BNIP1: variants seen among roughly 807,000 people sequenced by gnomAD.
The protein encoded by BNIP1 is vesicle transport protein SEC20.
BNIP1 carries 25 observed loss-of-function variants against 28.5 expected under a neutral mutation model. That is an observed-to-expected ratio of 0.88 (90% CI 0.64 to 1.23). The LOEUF is 1.23. Among genes scored for constraint, BNIP1 ranks in the 50% most tolerant of loss-of-function variants. The pLI, the probability that BNIP1 is intolerant of heterozygous loss-of-function variation, is 0.00. For synonymous variants in BNIP1, 118 were observed against 101.7 expected (o/e 1.16, Z -0.96); for missense variants, 276 against 277.0 (o/e 1.00, Z 0.02).
At chr5:173,154,956 A>G (rs1472292837) in intron 3 of BNIP1, among the ~76,000 whole-genome samples, 5 of 152,172 alleles carry the variant, frequency 3.3e-5, no homozygotes, top group Non-Finnish European at 7.3e-5. Flanking sequence ...CATATTTAAC[A>G]TTATACTGTA....
intron 2 of BNIP1, among the ~76,000 whole-genome samples, chr5:173,153,048 A>G (rs982076895): frequency 6.6e-6 from 1 of 151,876 alleles, no homozygotes; most frequent in Non-Finnish European, 1.5e-5. Context: ...ACTTCTGGGT[A>G]TGTCTGCTGA....
At position 173,154,386 on chromosome 5, in the gene BNIP1, T is replaced by C; in HGVS notation, c.242T>C (p.Val81Ala). ...ESEKQLLLQE[V>A]ENHKKQMLSN... is the part of the protein sequence containing the mutation. ...GAGAAACAACTTCTACTCCAGGAAG[T>C]GGAGAATCACAAAAAGCAGATGCTC... Residue 81 changes from valine to alanine, a missense_variant, in exon 3 of 6, where the codon GTG (valine) becomes GCG (alanine). Coordinates refer to ENST00000351486, the MANE Select transcript of BNIP1 (RefSeq NM_001205.3). 6.2e-7 allele frequency: 1 copy of C among 1,613,846 alleles called. No individual in the cohort carries two copies. The highest frequency in any genetic ancestry group is 8.5e-7 in the Non-Finnish European group (1 of 1,179,862).
At chr5:173,160,136 C>T in intron 5 of BNIP1, 85 bp downstream of exon 5, 14 of 1,192,380 alleles carry the variant, frequency 1.2e-5, no homozygotes, top group Non-Finnish European at 1.7e-5. Flanking sequence ...TGGGCTCCTC[C>T]ACCACAGCCC....
intron 3 of BNIP1, 73 bp from the exon 4 acceptor site, chr5:173,158,671 G>C (rs1008961958): frequency 1.3e-5 from 16 of 1,217,484 alleles, no homozygotes; most frequent in Non-Finnish European, 1.9e-5. Flanking sequence ...TTGTTGGGGG[G>C]AAGTGCTGTG....
intron 4 of BNIP1, 66 bp downstream of exon 4, chr5:173,158,911 C>A: frequency 8.1e-7 from 1 of 1,228,668 alleles, no homozygotes; most frequent in Non-Finnish European, 1.1e-6. Flanking sequence ...GTGTAGGAAA[C>A]CCCCTCTTGT....
At chr5:173,147,978 G>A (rs1195059997) in intron 2 of BNIP1, among the ~76,000 whole-genome samples, 4 of 142,862 alleles carry the variant, frequency 2.8e-5, no homozygotes, top group Admixed American at 7.2e-5. Context: ...CAGGAGAATC[G>A]CTTGAACCCA....
rs1018167976 is a variant in BNIP1 at position 173,144,573 on chromosome 5, C to T, written c.28C>T (p.Arg10Trp). ...GGCGGCTCCCCAAGACGTCCACGTC[C>T]GGATCTGTAACCAAGAGATTGTCAA... is the stretch of plus-strand genomic sequence containing the variant. MAAPQDVHV[R>W]ICNQEIVKFD... The change falls in exon 1 of 6, where the codon CGG (arginine) becomes TGG (tryptophan). Residue 10 changes from arginine to tryptophan, a missense_variant. Arg to Trp is a moderately radical substitution (Grantham distance 101, BLOSUM62 -3). Coordinates refer to ENST00000351486, the MANE Select transcript of BNIP1 (RefSeq NM_001205.3). 1 of 1,614,172 alleles carries T rather than the reference C, an allele frequency of 6.2e-7. No homozygotes were observed. Among genetic ancestry groups the T allele is most frequent in the Non-Finnish European group, 8.5e-7 (1 of 1,180,000 alleles).
intron 3 of BNIP1, among the ~76,000 whole-genome samples, chr5:173,157,534 A>C (rs765048942): frequency 8.0e-5 from 12 of 150,850 alleles, no homozygotes; most frequent in Non-Finnish European, 1.3e-4. Context: ...CCTGCCTCAG[A>C]CTCCCGAGTA....
intron 2 of BNIP1, chr5:173,151,465 C>A: frequency 8.2e-7 from 1 of 1,224,100 alleles, no homozygotes; most frequent in Non-Finnish European, 1.1e-6. Flanking sequence ...CAAGTGATTG[C>A]CTGCCTCAGC....
At chr5:173,148,074 AAAAAAAAAAATATATATATATATATAT>A (rs1759894012) in intron 2 of BNIP1, among the ~76,000 whole-genome samples, 1 of 48,160 alleles carries the variant, frequency 2.1e-5, no homozygotes, top group African/African-American at 9.7e-5. Flanking sequence ...AAAAAAAAAA[AAAAAAAAAAATATATATATATATATAT>A]ATATATATAT....
intron 2 of BNIP1, 122 bp from the exon 3 acceptor site, chr5:173,154,200 G>A: frequency 1.4e-6 from 1 of 726,178 alleles, no homozygotes; most frequent in Non-Finnish European, 2.3e-6. Flanking sequence ...GCATTCCTAG[G>A]TGTTCTGTTT....
intron 3 of BNIP1, among the ~76,000 whole-genome samples, chr5:173,154,972 T>C: frequency 6.6e-6 from 1 of 152,350 alleles, no homozygotes; most frequent in African/African-American, 2.4e-5. Flanking sequence ...CTGTATTGTA[T>C]ATTTTTAATC....
At chr5:173,158,937 T>A in intron 4 of BNIP1, 92 bp downstream of exon 4, 1 of 812,344 alleles carries the variant, frequency 1.2e-6, no homozygotes, top group Non-Finnish European at 1.8e-6. Flanking sequence ...GCTTGGTGCT[T>A]AATTTAATTA....
At position 173,144,570 on chromosome 5, in the gene BNIP1, G is replaced by T; in HGVS notation, c.25G>T (p.Val9Phe). The T allele has an allele frequency of 1.2e-6, 2 of 1,614,176 alleles. No individual in the cohort carries two copies. The highest frequency in any genetic ancestry group is 2.2e-5 in the South Asian group (2 of 91,078). Residue 9 changes from valine (V) to phenylalanine (F), a missense_variant, in exon 1 of 6, where the codon GTC becomes TTC. Transcript: ENST00000351486. The stretch of plus-strand genomic sequence containing the variant: ...CATGGCGGCTCCCCAAGACGTCCAC[G>T]TCCGGATCTGTAACCAAGAGATTGT... MAAPQDVH[V>F]RICNQEIVKF... is the part of the protein sequence containing the mutation.
chr5:173,146,960 T>TG lies in BNIP1; in HGVS notation c.177+5dup, dbSNP rs1554089311. Reference sequence around the variant, plus strand: ...CAACAGTTGCGTCACAGAATACAGGTGGGTATTCTCAATTCAGTCAATGAA... The same window carrying TG: ...CAACAGTTGCGTCACAGAATACAGGTGGGGTATTCTCAATTCAGTCAATGAA... On this transcript the variant is annotated splice_region_variant and intron_variant, in intron 2 of 5. Transcript: ENST00000351486. The TG allele has an allele frequency of 6.2e-7, 1 of 1,606,962 alleles. No homozygotes were observed. Among genetic ancestry groups the TG allele is most frequent in the Non-Finnish European group, 8.5e-7 (1 of 1,173,654 alleles).
intron 2 of BNIP1, among the ~76,000 whole-genome samples, chr5:173,153,454 C>T (rs1760081992): frequency 6.6e-6 from 1 of 152,130 alleles, no homozygotes; most frequent in African/African-American, 2.4e-5. Flanking sequence ...GTCTCGATCT[C>T]CTGACCTCGT....
chr5:173,158,723 A>G (rs1760278555), intron 3 of BNIP1, 21 bp from the exon 4 acceptor site: 1 of 1,598,120 alleles, frequency 6.3e-7, no homozygotes, highest in African/African-American at 1.3e-5. Context: ...ACACACTCAC[A>G]CGTGAACCTT....
At chr5:173,154,291 C>G in intron 2 of BNIP1, 31 bp from the exon 3 acceptor site, 1 of 1,591,256 alleles carries the variant, frequency 6.3e-7, no homozygotes, top group African/African-American at 1.3e-5. Flanking sequence ...CTTTTGAAAT[C>G]ATTTTAACAT....
At chr5:173,162,929 C>T (rs1259913478) in intron 5 of BNIP1, among the ~76,000 whole-genome samples, 4 of 152,190 alleles carry the variant, frequency 2.6e-5, no homozygotes. Context: ...AAATGAAATA[C>T]CATTTATCTC....
Sources: gnomAD v4.1 joint callset for allele counts (sites outside exome capture counted in the v4.1 genomes callset) on GRCh38, gnomAD v4.1.1 for gene constraint, MANE v1.5 for transcripts, NCBI Gene and HGNC (gene_info 2026-07-23, HGNC 2026-07-21) for gene names.